UBR4: variants seen among roughly 807,000 people sequenced by gnomAD.
The protein encoded by UBR4 is ubiquitin protein ligase E3 component n-recognin 4.
UBR4 carries 124 observed loss-of-function variants against 575.6 expected under a neutral mutation model. The ratio of observed to expected loss-of-function variants is 0.22; its 90% CI spans 0.19 to 0.25. UBR4 has a LOEUF of 0.25. Among genes scored for constraint, UBR4 ranks in the 10% least tolerant of loss-of-function variants. The pLI, the probability that UBR4 is intolerant of heterozygous loss-of-function variation, is 1.00. For synonymous variants in UBR4, 2,455 were observed against 2,473.7 expected (o/e 0.99, Z 0.22); for missense variants, 4,818 against 6,478.8 (o/e 0.74, Z 8.80).
Position 19,112,561 on chromosome 1 carries a change from G to A in UBR4, c.11764C>T (p.Arg3922Trp), listed in dbSNP as rs755500435. 29 of 1,613,604 alleles carry A rather than the reference G, an allele frequency of 1.8e-5. No homozygotes were observed. Among genetic ancestry groups the A allele is most frequent in the East Asian group, 4.5e-5 (2 of 44,890 alleles). ...YNLRRGAAAM[R>W]EEVRQLMCLL... ...CACATGAGCTGGCGGACCTCCTCCCGCATGGCCGCAGCCCCTCGGCGAAGA... is the reference window on the plus strand; with the variant it reads ...CACATGAGCTGGCGGACCTCCTCCCACATGGCCGCAGCCCCTCGGCGAAGA... Residue 3922 changes from arginine to tryptophan, a missense_variant, in exon 78 of 106, where the codon CGG (arginine) becomes TGG (tryptophan). By Grantham distance (101) the Arg-to-Trp change is moderately radical (BLOSUM62 -3). Coordinates refer to ENST00000375254, the MANE Select transcript of UBR4 (RefSeq NM_020765.3).
At chr1:19,114,464 G>A (rs1359117400) in intron 75 of UBR4, among the ~76,000 whole-genome samples, 1 of 152,102 alleles carries the variant, frequency 6.6e-6, no homozygotes, top group Non-Finnish European at 1.5e-5. Context: ...ATGCAGGCTG[G>A]GAACTAGCAC....
rs780878738 is a variant in UBR4 at position 19,187,305 on chromosome 1, A to G, written c.1495-4T>C. On this transcript the variant is annotated splice_region_variant and splice_polypyrimidine_tract_variant and intron_variant, in intron 12 of 105. Transcript: ENST00000375254. The stretch of plus-strand genomic sequence containing the variant: ...GGGGGCCATCTGTCTCCCAACCCTG[A>G]AGGCAATGATATCAAAGGGCAATTA... The G allele has an allele frequency of 6.2e-7, 1 of 1,612,540 alleles. No homozygotes were observed. Among genetic ancestry groups the G allele is most frequent in the South Asian group, 1.1e-5 (1 of 90,990 alleles).
intron 68 of UBR4, 97 bp downstream of exon 68, chr1:19,121,092 C>T (rs1471793099): frequency 6.6e-7 from 1 of 1,504,680 alleles, no homozygotes; most frequent in Non-Finnish European, 8.9e-7. Context: ...CCCTCTAAAT[C>T]AGGATTAAAA....
intron 81 of UBR4, among the ~76,000 whole-genome samples, chr1:19,107,578 T>A (rs2149224105): frequency 6.6e-6 from 1 of 152,086 alleles, no homozygotes; most frequent in South Asian, 2.1e-4. Context: ...AGTCCAGGAG[T>A]TCGAGACCAG....
At chr1:19,180,317 T>C (rs773609474) in intron 17 of UBR4, among the ~76,000 whole-genome samples, 27 of 152,030 alleles carry the variant, frequency 1.8e-4, no homozygotes, top group Non-Finnish European at 3.2e-4. Context: ...GCCTCCCGAG[T>C]AGCTGGGATT....
chr1:19,111,987 C>G (rs1459467102), intron 78 of UBR4: 1 of 152,374 alleles, frequency 6.6e-6, no homozygotes, highest in African/African-American at 2.4e-5. Flanking sequence ...AACTCCTGAC[C>G]TCAAGTGATC....
rs145191516 is a variant in UBR4 at position 19,114,877 on chromosome 1, G to T, written c.11136C>A (p.Asp3712Glu). ...AGCAAGGCTTGGCATAGAGCATGAA[G>T]TCGAAGCGGGCATATTTACAGAAGC... is the stretch of plus-strand genomic sequence containing the variant. ...ACGFCKYARF[D>E]FMLYAKPCCA... is the part of the protein sequence containing the mutation. Residue 3712 changes from aspartate to glutamate, a missense_variant, in exon 75 of 106, where the codon GAC becomes GAA. Transcript: ENST00000375254. 4.3e-6 allele frequency: 7 copies of T among 1,614,124 alleles called. No homozygotes were observed. Among genetic ancestry groups the T allele is most frequent in the African/African-American group, 1.3e-5 (1 of 74,932 alleles).
In UBR4 at chr1:19,168,115, C is replaced by T. The variant is rs772455306; in HGVS notation, c.3811G>A (p.Gly1271Arg). ...GGCAGACTTTGGCTACAGAGAGTCC[C>T]CAGGTGTGCAGCCTGCACTGCACTA... ...YISAVQAAHLGTLCSQSLPLA... is the reference protein window; with the variant it reads ...YISAVQAAHLRTLCSQSLPLA... The change falls in exon 28 of 106, where the codon GGG becomes AGG. Residue 1271 changes from glycine (G) to arginine (R), a missense_variant. This residue lies in a region of UBR4 where 1,172 missense variants were observed against 1,259.7 expected (regional missense o/e 0.93). Coordinates refer to ENST00000375254, the MANE Select transcript of UBR4 (RefSeq NM_020765.3). The T allele has an allele frequency of 6.2e-7, 1 of 1,613,550 alleles. No homozygotes were observed. Among genetic ancestry groups the T allele is most frequent in the Admixed American group, 1.7e-5 (1 of 59,992 alleles).
chr1:19,096,246 CAAT>C (rs536007955), intron 92 of UBR4, among the ~76,000 whole-genome samples: 124 of 152,216 alleles, frequency 8.1e-4, no homozygotes, highest in African/African-American at 2.7e-3. Flanking sequence ...AAAACAACAA[CAAT>C]GATAATAGTT....
intron 85 of UBR4, 80 bp downstream of exon 85, chr1:19,104,968 C>A: frequency 6.5e-7 from 1 of 1,531,800 alleles, no homozygotes; most frequent in South Asian, 1.3e-5. Context: ...AACAAACAAA[C>A]AAAACACCAT....
At chr1:19,099,865 G>A (rs1329551209) in intron 89 of UBR4, among the ~76,000 whole-genome samples, 188 bp from the exon 90 acceptor site, 3 of 152,052 alleles carry the variant, frequency 2.0e-5, no homozygotes, top group African/African-American at 7.2e-5. Context: ...CACAATTTCA[G>A]GGGCTGCTAA....
At chr1:19,077,065 C>T (rs550060705) in intron 104 of UBR4, among the ~76,000 whole-genome samples, 163 bp from the exon 105 acceptor site, 21 of 152,258 alleles carry the variant, frequency 1.4e-4, no homozygotes, top group African/African-American at 4.8e-4. Flanking sequence ...TCTCCAGGAA[C>T]GACACAATTT....
chr1:19,155,163 G>C, intron 43 of UBR4, 88 bp from the exon 44 acceptor site: 1 of 1,545,546 alleles, frequency 6.5e-7, no homozygotes, highest in Non-Finnish European at 8.9e-7. Context: ...TTTCAATCAT[G>C]ATCAGGTGCT....
At chr1:19,209,163 C>T (rs2093172810) in intron 1 of UBR4, among the ~76,000 whole-genome samples, 1 of 152,190 alleles carries the variant, frequency 6.6e-6, no homozygotes, top group African/African-American at 2.4e-5. Context: ...GCTAGATATA[C>T]CCTTGTCATC....
At chr1:19,173,376 A>G (rs1323979152) in intron 23 of UBR4, 63 bp downstream of exon 23, 16 of 1,611,086 alleles carry the variant, frequency 9.9e-6, no homozygotes, top group Non-Finnish European at 1.4e-5. Context: ...TTCAAATTTA[A>G]AAGCTCCAGT....
At position 19,106,920 on chromosome 1, in the gene UBR4, T is replaced by C; in HGVS notation, c.12152A>G (p.Glu4051Gly). The change falls in exon 82 of 106, where the codon GAG becomes GGG. Residue 4051 changes from glutamate to glycine, a missense_variant. Physicochemically the swap from Glu to Gly is moderately conservative, Grantham distance 98 (BLOSUM62 -2). Coordinates refer to ENST00000375254, the MANE Select transcript of UBR4 (RefSeq NM_020765.3). ...ALTTVKPYCN[E>G]IHAQAQLWLK... The stretch of plus-strand genomic sequence containing the variant: ...CCACAGTTGAGCCTGGGCATGGATC[T>C]CATTGCAGTATGGCTTCACCGTGGT... 1 of 1,613,098 alleles carries C rather than the reference T, an allele frequency of 6.2e-7. No individual in the cohort carries two copies. The highest frequency in any genetic ancestry group is 8.5e-7 in the Non-Finnish European group (1 of 1,179,980).
At position 19,121,176 on chromosome 1, in the gene UBR4, G is replaced by A. The variant is rs774740164; in HGVS notation, c.10141+13C>T. ...CATCATTGTAGTCACAATGACAAGA[G>A]GGTGACCCTTACCATCTTTCTCCTT... On this transcript the variant is annotated intron_variant, in intron 68 of 105. Coordinates refer to ENST00000375254, the MANE Select transcript of UBR4 (RefSeq NM_020765.3). 1.2e-6 allele frequency: 2 copies of A among 1,612,548 alleles called. 1 individual carries two copies. The highest frequency in any genetic ancestry group is 3.3e-4 in the Middle Eastern group (2 of 6,056).
At chr1:19,186,166 T>C (rs1205672549) in intron 14 of UBR4, among the ~76,000 whole-genome samples, 1 of 152,202 alleles carries the variant, frequency 6.6e-6, no homozygotes, top group Non-Finnish European at 1.5e-5. Flanking sequence ...ACTATGACTA[T>C]GATAACATCC....
intron 4 of UBR4, 33 bp from the exon 5 acceptor site, chr1:19,198,713 G>C (rs756444927): frequency 4.3e-6 from 7 of 1,612,872 alleles, no homozygotes; most frequent in Non-Finnish European, 5.9e-6. Context: ...AAAGGGCTGA[G>C]GAAAGTGCCA....
Sources: gnomAD v4.1 joint callset for allele counts (sites outside exome capture counted in the v4.1 genomes callset) on GRCh38, gnomAD v4.1.1 for gene constraint, gnomAD v4.1.1 regional missense constraint, MANE v1.5 for transcripts, NCBI Gene and HGNC (gene_info 2026-07-23, HGNC 2026-07-21) for gene names.